Variants in ZNF569 observed in about 807,000 individuals in gnomAD.
ZNF569 encodes the protein DNA-binding protein.
In ZNF569, 38 loss-of-function variants were observed where a neutral mutation model predicts 56.3. That is an observed-to-expected ratio of 0.68 (90% CI 0.52 to 0.88). ZNF569 has a LOEUF of 0.88. ZNF569 is among the 40% of genes least tolerant of loss of function. ZNF569 has a pLI of 0.00. For synonymous variants in ZNF569, 241 were observed against 262.9 expected (o/e 0.92, Z 0.81); for missense variants, 666 against 809.2 (o/e 0.82, Z 2.15).
At chr19:37,465,917 T>C (rs1461896622) in intron 1 of ZNF569, among the ~76,000 whole-genome samples, 2 of 152,216 alleles carry the variant, frequency 1.3e-5, no homozygotes, top group Non-Finnish European at 2.9e-5. Flanking sequence ...ACGTATACCA[T>C]GAAATACTTT....
chr19:37,436,034 C>T (rs894731994), intron 3 of ZNF569, among the ~76,000 whole-genome samples: 3 of 152,312 alleles, frequency 2.0e-5, no homozygotes, highest in African/African-American at 7.2e-5. Flanking sequence ...CCAATGGCTG[C>T]AGAATGCGCA....
intron 2 of ZNF569, among the ~76,000 whole-genome samples, chr19:37,455,409 C>G (rs1304695701): frequency 6.6e-6 from 1 of 152,142 alleles, no homozygotes; most frequent in Non-Finnish European, 1.5e-5. Context: ...TTACTTCCAG[C>G]CATATCAATT....
intron 2 of ZNF569, among the ~76,000 whole-genome samples, chr19:37,445,208 C>T (rs1395428143): frequency 6.6e-6 from 1 of 152,092 alleles, no homozygotes; most frequent in Non-Finnish European, 1.5e-5. Flanking sequence ...TCAGAGAATA[C>T]ATGTAGCATC....
upstream of ZNF569, chr19:37,467,990 G>A (rs1354903592): frequency 2.1e-5 from 32 of 1,498,074 alleles, no homozygotes; most frequent in Non-Finnish European, 2.6e-5. Flanking sequence ...AGTGTGGCCA[G>A]ACCGCCTGAC....
intron 5 of ZNF569, among the ~76,000 whole-genome samples, chr19:37,415,006 G>A (rs1197747061): frequency 6.6e-6 from 1 of 152,030 alleles, no homozygotes; most frequent in Non-Finnish European, 1.5e-5. Context: ...CTAAAATGTT[G>A]TGAAAGAAAA....
intron 5 of ZNF569, among the ~76,000 whole-genome samples, chr19:37,423,769 A>G (rs1378712969): frequency 6.6e-6 from 1 of 152,194 alleles, no homozygotes; most frequent in Non-Finnish European, 1.5e-5. Flanking sequence ...TATAGATTGG[A>G]AACATGAAAA....
At chr19:37,446,020 T>C (rs912528496) in intron 2 of ZNF569, among the ~76,000 whole-genome samples, 2 of 152,096 alleles carry the variant, frequency 1.3e-5, no homozygotes, top group African/African-American at 4.8e-5. Context: ...AGAACAAATC[T>C]GGAGGCATTA....
At chr19:37,425,318 A>ATTT (rs770808954) in intron 5 of ZNF569, among the ~76,000 whole-genome samples, 14 of 104,166 alleles carry the variant, frequency 1.3e-4, no homozygotes, top group East Asian at 3.0e-4. Flanking sequence ...CACGTGGCTA[A>ATTT]TTTTTTTTTT....
In ZNF569 at chr19:37,452,123, C is replaced by T. The variant is rs115795707; in HGVS notation, c.-43-7159G>A. On this transcript the variant is annotated intron_variant, in intron 2 of 5. Transcript: ENST00000316950. ...GCATATGTAGTTAGTTTGGGGCTTA[C>T]ATAAAATATAGATGTAACAGTCTAT... 7.2e-3 allele frequency among the ~76,000 whole-genome samples: 1,076 copies of T among 150,274 alleles called. 15 individuals are homozygous for T. The highest frequency in any genetic ancestry group is 0.024 in the African/African-American group (1,003 of 41,440).
At position 37,413,282 on chromosome 19, in the gene ZNF569, A is replaced by T. The variant is rs1442430392; in HGVS notation, c.1376T>A (p.Ile459Asn). ...QMSNLVRHQR[I>N]HTGEKPYICK... The stretch of plus-strand genomic sequence containing the variant: ...TATATAGGGTTTTTCCCCAGTATGA[A>T]TTCTCTGGTGTCTAACAAGATTTGA... Residue 459 changes from isoleucine to asparagine, a missense_variant, in exon 6 of 6, where the codon ATT becomes AAT. Physicochemically the swap from Ile to Asn is moderately radical, Grantham distance 149. Transcript: ENST00000316950. 1.2e-6 allele frequency: 2 copies of T among 1,610,900 alleles called. No individual in the cohort carries two copies. Among genetic ancestry groups the T allele is most frequent in the Non-Finnish European group, 1.7e-6 (2 of 1,179,128 alleles).
chr19:37,433,013 C>T (rs2041250534), intron 3 of ZNF569, among the ~76,000 whole-genome samples: 1 of 150,728 alleles, frequency 6.6e-6, no homozygotes, highest in Admixed American at 6.6e-5. Flanking sequence ...AAGTGATCCT[C>T]CTACCTCAGC....
At position 37,413,801 on chromosome 19, in the gene ZNF569, A is replaced by G. The variant is rs200428695; in HGVS notation, c.857T>C (p.Ile286Thr). Residue 286 changes from isoleucine (I) to threonine (T), a missense_variant, in exon 6 of 6, where the codon ATT (isoleucine) becomes ACT (threonine). Physicochemically the swap from Ile to Thr is moderately conservative, Grantham distance 89. Transcript: ENST00000316950. ...TCCAGTATGAATTTTTTCATGATCA[A>G]TAAGATTTGATTTCTGGCTGAAGGA... ...EKSFSQKSNL[I>T]DHEKIHTGEK... The G allele has an allele frequency of 7.9e-5, 127 of 1,613,672 alleles. No homozygotes were observed. The East Asian group carries it at 2.3e-3, about 29-fold the overall frequency.
chr19:37,467,726 A>G (rs1372962320), upstream of ZNF569: 1 of 673,468 alleles, frequency 1.5e-6, no homozygotes, highest in East Asian at 2.7e-5. Context: ...GTGTGACTGT[A>G]TGTGTGAAAC....
chr19:37,444,420 A>C lies in ZNF569; in HGVS notation c.15+487T>G, dbSNP rs113597035. On this transcript the variant is annotated intron_variant, in intron 3 of 5. Transcript: ENST00000316950. Reference sequence around the variant, plus strand: ...TGTTAAGTAGTATTTCACCGTGTGAAATACTATAATTTATTCCTTTTCCTG... The same window carrying C: ...TGTTAAGTAGTATTTCACCGTGTGACATACTATAATTTATTCCTTTTCCTG... Among the ~76,000 whole-genome samples the C allele has an allele frequency of 7.1e-3, 1,080 of 152,250 alleles. 15 individuals carry two copies. Among genetic ancestry groups the C allele is most frequent in the African/African-American group, 0.024 (1,006 of 41,540 alleles).
chr19:37,422,232 AT>A (rs2041050635), intron 5 of ZNF569, among the ~76,000 whole-genome samples: 1 of 152,222 alleles, frequency 6.6e-6, no homozygotes, highest in Non-Finnish European at 1.5e-5. Context: ...CTTAGAGGTC[AT>A]TGTAGGGTTA....
Position 37,416,719 on chromosome 19 carries a change from A to C in ZNF569, c.239-2300T>G, listed in dbSNP as rs193176921. ...ATATTTTCAATTTGTAGTTGCAGAA[A>C]GCATGGATAGAAAGGGCTGACTATA... On this transcript the variant is annotated intron_variant, in intron 5 of 5. Transcript: ENST00000316950. 8.9e-4 allele frequency among the ~76,000 whole-genome samples: 136 copies of C among 152,282 alleles called. 2 individuals are homozygous for C. The East Asian group carries it at 0.025, about 29-fold the overall frequency.
At chr19:37,468,873 C>CG (rs2041900375), upstream of ZNF569, 1 of 195,034 alleles carries the variant, frequency 5.1e-6, no homozygotes, top group Admixed American at 6.5e-5. Flanking sequence ...TGCATCCCCC[C>CG]CACCCCGCTC....
chr19:37,454,717 G>A, intron 2 of ZNF569: 3 of 641,906 alleles, frequency 4.7e-6, no homozygotes, highest in Non-Finnish European at 8.4e-6. Context: ...AAGCCTACAA[G>A]AGACTGCAAC....
chr19:37,467,922 C>G, upstream of ZNF569: 7 of 1,536,058 alleles, frequency 4.6e-6, no homozygotes, highest in Non-Finnish European at 6.1e-6. Context: ...CTGGACTTCT[C>G]GATTGTGAGT....
Sources: gnomAD v4.1 joint callset for allele counts (sites outside exome capture counted in the v4.1 genomes callset) on GRCh38, gnomAD v4.1.1 for gene constraint, MANE v1.5 for transcripts, NCBI Gene and HGNC (gene_info 2026-07-23, HGNC 2026-07-21) for gene names.